Variants in OXR1 observed in about 807,000 individuals in gnomAD.
OXR1 encodes oxidation resistance protein 1.
Under a neutral mutation model 104.6 loss-of-function variants are expected in OXR1, and 41 were observed. That is an observed-to-expected ratio of 0.39 (90% CI 0.31 to 0.51). OXR1 has a LOEUF of 0.51. Ranked by LOEUF, OXR1 falls within the 20% of genes least tolerant of loss-of-function variation. OXR1 has a pLI of 0.77. For missense variants in OXR1, 955 were observed against 1,031.9 expected, an observed-to-expected ratio of 0.93 and a Z score of 1.02; for synonymous variants, 348 against 348.4, an observed-to-expected ratio of 1.00 and a Z score of 0.01.
intron 1 of OXR1, among the ~76,000 whole-genome samples, chr8:106,339,238 G>GTAATCCCAGCA (rs1180938173): frequency 2.0e-5 from 3 of 151,812 alleles, no homozygotes; most frequent in Non-Finnish European, 4.4e-5. Context: ...GCTCACGCCT[G>GTAATCCCAGCA]TAATCCCAGC....
intron 3 of OXR1, chr8:106,657,662 A>G (rs972460534): frequency 4.6e-5 from 10 of 219,650 alleles, no homozygotes; most frequent in African/African-American, 1.6e-4. Flanking sequence ...CTTAAAAGCC[A>G]TCAGTTTTCT....
intron 11 of OXR1, among the ~76,000 whole-genome samples, chr8:106,735,655 C>T (rs977492034): frequency 1.1e-4 from 16 of 151,784 alleles, no homozygotes; most frequent in Non-Finnish European, 1.8e-4. Context: ...GATTGAAGGC[C>T]ATGAAAAAAG....
intron 2 of OXR1, among the ~76,000 whole-genome samples, chr8:106,500,615 A>G (rs907378451): frequency 1.8e-4 from 28 of 152,196 alleles, no homozygotes; most frequent in African/African-American, 6.5e-4. Flanking sequence ...CCTTCCTTCT[A>G]CAACTTGGTG....
intron 3 of OXR1, among the ~76,000 whole-genome samples, chr8:106,560,739 C>G (rs1823799): frequency 0.5 from 76,089 of 152,014 alleles, 19,247 homozygotes; most frequent in African/African-American, 0.53. Context: ...AATAGGAACA[C>G]GTCTGGTCTG....
intron 1 of OXR1, among the ~76,000 whole-genome samples, chr8:106,307,998 A>G (rs1813534202): frequency 6.6e-6 from 1 of 150,572 alleles, no homozygotes; most frequent in East Asian, 1.9e-4. Context: ...AACCAAAAGG[A>G]CACACACACA....
intron 3 of OXR1, chr8:106,657,781 T>G: frequency 1.7e-6 from 2 of 1,183,360 alleles, no homozygotes; most frequent in South Asian, 8.9e-5. Flanking sequence ...TTGTCCGTCT[T>G]TTGCTCCCCC....
Position 106,593,775 on chromosome 8 carries a change from CTAA to C in OXR1, c.220+74651_220+74653del, listed in dbSNP as rs1001231888. Among the ~76,000 whole-genome samples the C allele has an allele frequency of 7.6e-4, 116 of 152,032 alleles. No homozygotes were observed. In the Middle Eastern group the frequency reaches 0.024, roughly 31 times the overall value. On this transcript the variant is annotated intron_variant, in intron 3 of 16. Transcript: ENST00000517566. ...TGGGCGACAGAGCGAGACTCCATCT[CTAA>C]TAATAATAATAATAGATTCTGATTT...
chr8:106,364,875 T>C (rs1217827952), intron 2 of OXR1, among the ~76,000 whole-genome samples: 1 of 152,172 alleles, frequency 6.6e-6, no homozygotes, highest in Non-Finnish European at 1.5e-5. Flanking sequence ...AAAATTGCTA[T>C]AGCCACTGTT....
intron 1 of OXR1, among the ~76,000 whole-genome samples, chr8:106,274,075 A>T (rs146901099): frequency 6.6e-6 from 1 of 152,358 alleles, no homozygotes; most frequent in Non-Finnish European, 1.5e-5. Context: ...TATTTGAAAC[A>T]CCCCAAAATA....
At chr8:106,407,722 T>C (rs1446463928) in intron 2 of OXR1, among the ~76,000 whole-genome samples, 1 of 152,208 alleles carries the variant, frequency 6.6e-6, no homozygotes, top group Non-Finnish European at 1.5e-5. Context: ...ACTGTACGTG[T>C]ACAATTTGGA....
chr8:106,747,409 A>C (rs375561992), intron 16 of OXR1, among the ~76,000 whole-genome samples: 2 of 152,162 alleles, frequency 1.3e-5, no homozygotes, highest in Non-Finnish European at 2.9e-5. Context: ...CTTTCATCCA[A>C]CATGATCTGT....
intron 3 of OXR1, chr8:106,617,943 A>C (rs1821377650): frequency 2.3e-6 from 2 of 861,876 alleles, no homozygotes; most frequent in South Asian, 1.1e-4. Context: ...GCAAGTCCAC[A>C]GTCACAGGGC....
rs186179781 is a variant in OXR1 at position 106,527,346 on chromosome 8, G to A, written c.220+8207G>A. Among the ~76,000 whole-genome samples the A allele has an allele frequency of 5.3e-3, 812 of 152,166 alleles. 7 individuals carry two copies. Among genetic ancestry groups the A allele is most frequent in the African/African-American group, 0.018 (767 of 41,498 alleles). ...ACAAGCCTCTTGTCTTGACCTTTGT[G>A]GATCTGATCAAGTCATCCCCTGTTT... On this transcript the variant is annotated intron_variant, in intron 3 of 16. Transcript: ENST00000517566.
At chr8:106,349,987 G>A (rs1815657034) in intron 1 of OXR1, among the ~76,000 whole-genome samples, 1 of 152,196 alleles carries the variant, frequency 6.6e-6, no homozygotes, top group African/African-American at 2.4e-5. Context: ...ATGTAAAAAG[G>A]TGAAGGCTGT....
chr8:106,308,337 TTGG>T (rs1015515459), intron 1 of OXR1, among the ~76,000 whole-genome samples: 8 of 152,316 alleles, frequency 5.3e-5, no homozygotes, highest in Middle Eastern at 3.4e-3. Context: ...ACTGCGCACA[TTGG>T]TGAAGTGGTG....
chr8:106,701,197 G>A (rs1216968188), intron 7 of OXR1, among the ~76,000 whole-genome samples: 5 of 152,024 alleles, frequency 3.3e-5, no homozygotes, highest in East Asian at 1.9e-4. Context: ...GGTGGTCCAC[G>A]TCCTCAACTA....
chr8:106,522,315 T>G (rs557888003), intron 3 of OXR1, among the ~76,000 whole-genome samples: 1 of 152,210 alleles, frequency 6.6e-6, no homozygotes, highest in East Asian at 1.9e-4. Context: ...ATGCACATGC[T>G]CCTGTATACT....
rs768237427 is a variant in OXR1, at chr8:106,702,929, A to G, written c.699A>G (p.Leu233=). The change falls in exon 8 of 17, where the codon CTA becomes CTG. Residue 233 remains leucine, a synonymous_variant. Transcript: ENST00000517566. ...AGGGCACAGTCAGTGGTGTGCTGCT[A>G]GTTACACCAAATAATATAATGTTTG... is the stretch of plus-strand genomic sequence containing the variant. ...SGKGTVSGVL[L]VTPNNIMFDP... The G allele has an allele frequency of 6.2e-7, 1 of 1,613,348 alleles. No individual in the cohort carries two copies. The highest frequency in any genetic ancestry group is 2.2e-5 in the East Asian group (1 of 44,840).
chr8:106,695,156 C>G (rs1460812476), intron 7 of OXR1, among the ~76,000 whole-genome samples: 3 of 150,310 alleles, frequency 2.0e-5, no homozygotes, highest in Non-Finnish European at 4.4e-5. Flanking sequence ...ATTATTTTTG[C>G]TTTAAAAAGT....
Sources: allele counts gnomAD v4.1 joint callset (sites outside exome capture counted in the v4.1 genomes callset), GRCh38; gene constraint gnomAD v4.1.1; transcripts MANE v1.5; gene names NCBI Gene and HGNC (gene_info 2026-07-23, HGNC 2026-07-21).